Variants in IGSF9B observed in about 807,000 individuals in gnomAD.
IGSF9B encodes protein turtle homolog B.
Under a neutral mutation model 143.7 loss-of-function variants are expected in IGSF9B, and 48 were observed. The observed-to-expected ratio is 0.33, with a 90% confidence interval of 0.26 to 0.42. The LOEUF is 0.42. Among genes scored for constraint, IGSF9B ranks in the 20% least tolerant of loss-of-function variants. IGSF9B has a pLI of 1.00. For synonymous variants in IGSF9B, 903 were observed against 833.1 expected (o/e 1.08, Z -1.44); for missense variants, 1,706 against 1,980.0 (o/e 0.86, Z 2.63).
At position 133,944,201 on chromosome 11, in the gene IGSF9B, C is replaced by A; in HGVS notation, c.409+19G>T. 1 of 1,582,304 alleles carries A rather than the reference C, an allele frequency of 6.3e-7. No individual in the cohort carries two copies. The highest frequency in any genetic ancestry group is 8.6e-7 in the Non-Finnish European group (1 of 1,162,346). On this transcript the variant is annotated intron_variant, in intron 3 of 19. Coordinates refer to ENST00000533871, the MANE Select transcript of IGSF9B (RefSeq NM_001277285.4). Reference sequence around the variant, plus strand: ...ACCGTTGATGGTGAGGTGGACCCACCCTGGAAGCCGTCACTCACCGTTGAT... The same window carrying A: ...ACCGTTGATGGTGAGGTGGACCCACACTGGAAGCCGTCACTCACCGTTGAT...
chr11:133,946,794 T>C (rs765388092), intron 1 of IGSF9B, among the ~76,000 whole-genome samples: 2 of 151,988 alleles, frequency 1.3e-5, no homozygotes, highest in Non-Finnish European at 2.9e-5. Flanking sequence ...CTCAGCCCGA[T>C]GTGCATGGCA....
At position 133,914,150 on chromosome 11, in the gene IGSF9B, C is replaced by G. The variant is rs181337452; in HGVS notation, c.3984-2143G>C. Among the ~76,000 whole-genome samples, 16 of 152,292 alleles carry G rather than the reference C, an allele frequency of 1.1e-4. No homozygotes were observed. The East Asian group carries it at 2.3e-3, about 22-fold the overall frequency. ...TTGATTTACCACTTACCACAGCAGG[C>G]ACTGCTGTACAATAATTGCCTGTAA... On this transcript the variant is annotated intron_variant, in intron 18 of 19. Transcript: ENST00000533871.
At position 133,900,753 on chromosome 11, in the gene IGSF9B, C is replaced by T. The variant is rs1351898323; in HGVS notation, c.*8316G>A. 2.6e-5 allele frequency: 4 copies of T among 152,240 alleles called. No individual in the cohort carries two copies. The highest frequency in any genetic ancestry group is 2.0e-4 in the Admixed American group (3 of 15,278). 9.4% of individuals were successfully genotyped at this position (152,240 alleles called of 1,614,324 possible). ...ATAGATGACATATTTATACTACATA[C>T]CACATTCACACTGGCTCTAAGAATC... is the stretch of plus-strand genomic sequence containing the variant. On this transcript the variant is annotated 3_prime_UTR_variant, in exon 20 of 20. Coordinates refer to ENST00000533871, the MANE Select transcript of IGSF9B (RefSeq NM_001277285.4).
At chr11:133,937,006 CT>C (rs1939836403) in intron 5 of IGSF9B, among the ~76,000 whole-genome samples, 1 of 152,218 alleles carries the variant, frequency 6.6e-6, no homozygotes, top group Admixed American at 6.5e-5. Flanking sequence ...GAGTTTCTAT[CT>C]TTATTTATTG....
At position 133,900,930 on chromosome 11, in the gene IGSF9B, G is replaced by C. The variant is rs1470424872; in HGVS notation, c.*8139C>G. ...AGACAGGTGTCACCGTAGGTCCCTA[G>C]GTAGTCTCAACCACCCCCTTTCTAA... On this transcript the variant is annotated 3_prime_UTR_variant, in exon 20 of 20. Transcript: ENST00000533871. 6.6e-6 allele frequency: 1 copy of C among 152,180 alleles called. No individual in the cohort carries two copies. The highest frequency in any genetic ancestry group is 1.9e-4 in the East Asian group (1 of 5,182). The allele number at this position is 152,180 out of a possible 1,614,324, so 9.4% of individuals were successfully genotyped here.
Position 133,907,271 on chromosome 11 carries a change from G to A in IGSF9B, c.*1798C>T, listed in dbSNP as rs1417239934. On this transcript the variant is annotated 3_prime_UTR_variant, in exon 20 of 20. Coordinates refer to ENST00000533871, the MANE Select transcript of IGSF9B (RefSeq NM_001277285.4). ...GGACCAGGGCCGGTGTGGCACAGAA[G>A]AAGTCCATCCCCTAAGATGGAAACG... is the stretch of plus-strand genomic sequence containing the variant. Among the ~76,000 whole-genome samples the A allele has an allele frequency of 6.6e-6, 1 of 152,214 alleles. No homozygotes were observed. Among genetic ancestry groups the A allele is most frequent in the South Asian group, 2.1e-4 (1 of 4,832 alleles).
rs1400354879 is a variant in IGSF9B at position 133,902,777 on chromosome 11, A to G, written c.*6292T>C. Among the ~76,000 whole-genome samples the G allele has an allele frequency of 1.3e-5, 2 of 152,166 alleles. No individual in the cohort carries two copies. The highest frequency in any genetic ancestry group is 4.8e-5 in the African/African-American group (2 of 41,448). ...GGAGGCCATATAAAACCTCATTGAT[A>G]GAGTGGCTGACAACTACCCTTTCAA... On this transcript the variant is annotated 3_prime_UTR_variant, in exon 20 of 20. Transcript: ENST00000533871.
chr11:133,902,001 C>A lies in IGSF9B; in HGVS notation c.*7068G>T, dbSNP rs1163724764. ...ATGCACACCAGACACATCACACACA[C>A]ACACACACCAGACATACACACACCA... On this transcript the variant is annotated 3_prime_UTR_variant, in exon 20 of 20. Coordinates refer to ENST00000533871, the MANE Select transcript of IGSF9B (RefSeq NM_001277285.4). 5.5e-5 allele frequency among the ~76,000 whole-genome samples: 7 copies of A among 126,638 alleles called. No individual in the cohort carries two copies. The highest frequency in any genetic ancestry group is 1.2e-4 in the Non-Finnish European group (7 of 59,600). The allele number at this position is 126,638 out of a possible 152,430, so 83.1% of individuals were successfully genotyped here.
chr11:133,935,841 C>T (rs1251305132), intron 6 of IGSF9B, 79 bp from the exon 7 acceptor site: 1 of 1,537,814 alleles, frequency 6.5e-7, no homozygotes, highest in African/African-American at 1.4e-5. Context: ...CGTCACTGCC[C>T]CAGATGTGGC....
At chr11:133,914,254 G>C (rs568592067) in intron 18 of IGSF9B, among the ~76,000 whole-genome samples, 1 of 152,282 alleles carries the variant, frequency 6.6e-6, no homozygotes, top group South Asian at 2.1e-4. Flanking sequence ...AGAGAGGTGA[G>C]CAACCTGTCG....
chr11:133,931,942 G>A lies in IGSF9B; in HGVS notation c.1110+129C>T. 6.8e-7 allele frequency: 1 copy of A among 1,480,950 alleles called. No individual in the cohort carries two copies. Among genetic ancestry groups the A allele is most frequent in the Non-Finnish European group, 9.1e-7 (1 of 1,100,404 alleles). The allele number at this position is 1,480,950 out of a possible 1,614,324, so 91.7% of individuals were successfully genotyped here. ...GCGGCACCCGCAGACCCCTACAGAA[G>A]CAGCTCTCTGTTTGCCCAGGGCTTT... On this transcript the variant is annotated intron_variant, in intron 8 of 19. Coordinates refer to ENST00000533871, the MANE Select transcript of IGSF9B (RefSeq NM_001277285.4). This position sits in a 1 kb window ranked among gnomAD's most constrained non-coding sequence, Gnocchi z 7.7.
chr11:133,953,878 A>G lies in IGSF9B; in HGVS notation c.64+2813T>C, dbSNP rs1451762294. On this transcript the variant is annotated intron_variant, in intron 1 of 19. Coordinates refer to ENST00000533871, the MANE Select transcript of IGSF9B (RefSeq NM_001277285.4). This position sits in a 1 kb window ranked among gnomAD's most constrained non-coding sequence, Gnocchi z 4.2. ...TACCACTCCAGCCCCTCTCTTCTCC[A>G]CACTTCCCCAACCTGTCCACTGACC... 6.6e-6 allele frequency among the ~76,000 whole-genome samples: 1 copy of G among 151,944 alleles called. No individual in the cohort carries two copies. Among genetic ancestry groups the G allele is most frequent in the Non-Finnish European group, 1.5e-5 (1 of 67,968 alleles).
rs553023412 is a variant in IGSF9B at position 133,902,671 on chromosome 11, C to G, written c.*6398G>C. ...AGAGACCAGGGGGACAACCTGGTGC[C>G]TGCAGAAGGACACATGAGACAATCC... is the stretch of plus-strand genomic sequence containing the variant. On this transcript the variant is annotated 3_prime_UTR_variant, in exon 20 of 20. Coordinates refer to ENST00000533871, the MANE Select transcript of IGSF9B (RefSeq NM_001277285.4). Among the ~76,000 whole-genome samples the G allele has an allele frequency of 6.6e-6, 1 of 151,942 alleles. No homozygotes were observed. Among genetic ancestry groups the G allele is most frequent in the South Asian group, 2.1e-4 (1 of 4,802 alleles).
chr11:133,927,437 G>C (rs1418626961), intron 12 of IGSF9B, among the ~76,000 whole-genome samples: 2 of 152,214 alleles, frequency 1.3e-5, no homozygotes, highest in Admixed American at 1.3e-4. Flanking sequence ...GGGAGAGTAA[G>C]GCTCTGGGGT....
At chr11:133,952,275 CCA>C (rs1009747552) in intron 1 of IGSF9B, 5 of 337,762 alleles carry the variant, frequency 1.5e-5, no homozygotes, top group African/African-American at 1.1e-4. Context: ...CTATCCAACC[CCA>C]GAGTCCTCTG....
At chr11:133,946,969 G>T (rs988337466) in intron 1 of IGSF9B, among the ~76,000 whole-genome samples, 5 of 152,164 alleles carry the variant, frequency 3.3e-5, no homozygotes, top group African/African-American at 9.7e-5. Context: ...AGTGGGAGGG[G>T]CCCAAGCCCC....
chr11:133,909,354 A>C lies in IGSF9B; in HGVS notation c.4106-77T>G. ...AGCACGCAGCCTGCTCACCTTTTCC[A>C]CCTGCATTTGTTCCGGGTTTCTAAT... On this transcript the variant is annotated intron_variant, in intron 19 of 19. Coordinates refer to ENST00000533871, the MANE Select transcript of IGSF9B (RefSeq NM_001277285.4). This position sits in a 1 kb window ranked among gnomAD's most constrained non-coding sequence, Gnocchi z 4.2. 5 of 1,148,644 alleles carry C rather than the reference A, an allele frequency of 4.4e-6. No individual in the cohort carries two copies. Among genetic ancestry groups the C allele is most frequent in the Non-Finnish European group, 6.3e-6 (5 of 797,906 alleles). 71.2% of individuals were successfully genotyped at this position (1,148,644 alleles called of 1,614,324 possible).
At chr11:133,950,168 C>T (rs1940131900) in intron 1 of IGSF9B, among the ~76,000 whole-genome samples, 4 of 152,216 alleles carry the variant, frequency 2.6e-5, no homozygotes, top group Admixed American at 2.0e-4. Context: ...GGGCCTGGCA[C>T]AGCCCATGTC....
In IGSF9B at chr11:133,948,067, G is replaced by A. The variant is rs1384933687; in HGVS notation, c.65-1809C>T. Among the ~76,000 whole-genome samples the A allele has an allele frequency of 5.6e-5, 3 of 53,320 alleles. No individual in the cohort carries two copies. Among genetic ancestry groups the A allele is most frequent in the Non-Finnish European group, 1.9e-4 (3 of 15,950 alleles). 35.0% of individuals were successfully genotyped at this position (53,320 alleles called of 152,430 possible). A position where few individuals can be genotyped will look rare whatever the true frequency, so the allele number is the denominator to read the frequency against. Reference sequence around the variant, plus strand: ...TACCAGCATGTGTGCGTGTGTGTGTGTGTGTGTGTGTGTGTGTGTGTGTCT... The same window carrying A: ...TACCAGCATGTGTGCGTGTGTGTGTATGTGTGTGTGTGTGTGTGTGTGTCT... On this transcript the variant is annotated intron_variant, in intron 1 of 19. Coordinates refer to ENST00000533871, the MANE Select transcript of IGSF9B (RefSeq NM_001277285.4). The surrounding 1 kb of genome is among the most constrained non-coding windows in gnomAD (Gnocchi z 4.7).
Sources: gnomAD v4.1 joint callset for allele counts (sites outside exome capture counted in the v4.1 genomes callset) on GRCh38, gnomAD v4.1.1 for gene constraint, Gnocchi (gnomAD v3.1) non-coding constraint, MANE v1.5 for transcripts, NCBI Gene and HGNC (gene_info 2026-07-23, HGNC 2026-07-21) for gene names.